PTCH1: variants seen among roughly 807,000 people sequenced by gnomAD.
The protein encoded by PTCH1 is patched 1, also known as protein patched homolog 1.
Under a neutral mutation model 144.6 loss-of-function variants are expected in PTCH1, and 14 were observed. The ratio of observed to expected loss-of-function variants is 0.10; its 90% CI spans 0.06 to 0.15. PTCH1 has a LOEUF of 0.15. PTCH1 is among the 10% of genes least tolerant of loss of function. The pLI is 1.00. For synonymous variants in PTCH1, 833 were observed against 793.6 expected, an observed-to-expected ratio of 1.05 and a Z score of -0.83; for missense variants, 1,623 against 1,948.3, an observed-to-expected ratio of 0.83 and a Z score of 3.14.
intron 7 of PTCH1, 65 bp from the exon 8 acceptor site, chr9:95,479,212 A>T: frequency 5.0e-6 from 8 of 1,606,236 alleles, no homozygotes; most frequent in Non-Finnish European, 6.8e-6. Context: ...CACTGCCTCA[A>T]ATCCCCAGCC....
At chr9:95,502,166 C>A (rs1017043732) in intron 2 of PTCH1, among the ~76,000 whole-genome samples, 5 of 152,202 alleles carry the variant, frequency 3.3e-5, no homozygotes, top group African/African-American at 1.2e-4. Context: ...GCCCTGAATG[C>A]CCCCTACCCT....
In PTCH1 at chr9:95,480,597, G is replaced by T. The variant is rs747672519; in HGVS notation, c.747-9C>A. 8.1e-6 allele frequency: 13 copies of T among 1,610,232 alleles called. No individual in the cohort carries two copies. Among genetic ancestry groups the T allele is most frequent in the Admixed American group, 1.7e-5 (1 of 59,986 alleles). On this transcript the variant is annotated splice_polypyrimidine_tract_variant and intron_variant, in intron 5 of 23. Coordinates refer to ENST00000331920, the MANE Select transcript of PTCH1 (RefSeq NM_000264.5). The stretch of plus-strand genomic sequence containing the variant: ...GCAAAGGAGGTTTACCTCTGCAAAA[G>T]AAATTAGGAGACGAGACCATGAAAA...
chr9:95,467,240 G>A lies in PTCH1; in HGVS notation c.2436C>T (p.Tyr812=), dbSNP rs756683459. The A allele has an allele frequency of 6.2e-7, 1 of 1,612,738 alleles. No individual in the cohort carries two copies. ...CGTAAAGTAAGTGCTGGATATTCGG[G>A]TAGTCTGCTTTCTGGGTGACTATAT... is the stretch of plus-strand genomic sequence containing the variant. The part of the protein sequence containing the change: ...NMYIVTQKAD[Y]PNIQHLLYDL... Residue 812 remains tyrosine (Y), a synonymous_variant, in exon 15 of 24, where the codon TAC becomes TAT. Transcript: ENST00000331920.
intron 10 of PTCH1, among the ~76,000 whole-genome samples, chr9:95,477,171 G>C (rs1841111267): frequency 6.6e-6 from 1 of 152,234 alleles, no homozygotes; most frequent in Non-Finnish European, 1.5e-5. Flanking sequence ...GCCCTGAAGT[G>C]CACATTCTCA....
intron 1 of PTCH1, 45 bp downstream of exon 1, chr9:95,508,115 GT>G (rs753274785): frequency 1.2e-6 from 2 of 1,607,162 alleles, no homozygotes; most frequent in Admixed American, 1.7e-5. Flanking sequence ...ATCCCAAAGA[GT>G]TAGAGGAGGG....
intron 15 of PTCH1, among the ~76,000 whole-genome samples, chr9:95,465,354 T>A (rs1312772625): frequency 3.9e-5 from 6 of 152,216 alleles, no homozygotes; most frequent in African/African-American, 1.4e-4. Context: ...GTTATTTATA[T>A]GTCTTTGGTC....
intron 17 of PTCH1, among the ~76,000 whole-genome samples, 154 bp downstream of exon 17, chr9:95,459,446 C>T (rs1035702832): frequency 2.0e-5 from 3 of 152,170 alleles, no homozygotes; most frequent in Admixed American, 6.5e-5. Context: ...TACACATCCT[C>T]GTCTCCCAGA....
chr9:95,490,170 G>A (rs1842279289), intron 2 of PTCH1, among the ~76,000 whole-genome samples: 1 of 150,546 alleles, frequency 6.6e-6, no homozygotes, highest in South Asian at 2.1e-4. Context: ...TACAATGAAA[G>A]AGTATAATTA....
intron 2 of PTCH1, among the ~76,000 whole-genome samples, chr9:95,492,244 C>A (rs28831479): frequency 0.32 from 48,790 of 152,130 alleles, 8,777 homozygotes; most frequent in African/African-American, 0.48. Context: ...ATGCAGGTAT[C>A]TGGTGATGCT....
At chr9:95,509,791 C>T (rs971061860), upstream of PTCH1, among the ~76,000 whole-genome samples, 4 of 152,152 alleles carry the variant, frequency 2.6e-5, no homozygotes, top group Non-Finnish European at 5.9e-5. Context: ...CCAATAATGA[C>T]AGCGTGCTGG....
rs1359616238 is a variant in PTCH1 at position 95,500,671 on chromosome 9, G to A, written c.394+5736C>T. Reference sequence around the variant, plus strand: ...TTGGTTCTGCTCCACAAGGGCTCCTGGGGGGACAAGGGGGAGTGGTTTGTG... The same window carrying A: ...TTGGTTCTGCTCCACAAGGGCTCCTAGGGGGACAAGGGGGAGTGGTTTGTG... On this transcript the variant is annotated intron_variant, in intron 2 of 23. Transcript: ENST00000331920. 3.9e-5 allele frequency among the ~76,000 whole-genome samples: 6 copies of A among 152,280 alleles called. No individual in the cohort carries two copies. In the South Asian group the frequency reaches 1.2e-3, roughly 32 times the overall value.
chr9:95,504,307 C>A (rs995574055), intron 2 of PTCH1, among the ~76,000 whole-genome samples: 17 of 152,158 alleles, frequency 1.1e-4, no homozygotes, highest in Non-Finnish European at 2.2e-4. Context: ...ACTGGCAGCT[C>A]CCATAAAACT....
chr9:95,469,763 C>T (rs2118085079), intron 13 of PTCH1, 50 bp downstream of exon 13: 6 of 1,500,160 alleles, frequency 4.0e-6, no homozygotes, highest in Non-Finnish European at 5.6e-6. Context: ...AGTTCTCTCA[C>T]AGCACCATTC....
upstream of PTCH1, among the ~76,000 whole-genome samples, chr9:95,510,121 ATAAG>A (rs1164998653): frequency 6.6e-6 from 1 of 152,206 alleles, no homozygotes. Context: ...CGAATGTGAC[ATAAG>A]TAAAAGAGAA....
At chr9:95,492,706 G>C (rs1694906313) in intron 2 of PTCH1, among the ~76,000 whole-genome samples, 2 of 151,640 alleles carry the variant, frequency 1.3e-5, no homozygotes, top group South Asian at 4.2e-4. Flanking sequence ...TACTCAACCT[G>C]TATTACGCTC....
chr9:95,495,985 T>C (rs1020788574), intron 2 of PTCH1, among the ~76,000 whole-genome samples: 1 of 152,166 alleles, frequency 6.6e-6, no homozygotes, highest in African/African-American at 2.4e-5. Flanking sequence ...TGCACAGAAC[T>C]GGGCTGTCCC....
chr9:95,510,280 G>T (rs561727873), upstream of PTCH1, among the ~76,000 whole-genome samples: 66 of 151,844 alleles, frequency 4.3e-4, no homozygotes, highest in Non-Finnish European at 7.5e-4. Context: ...TACAAAACTC[G>T]GTATGCATGT....
chr9:95,502,740 C>A (rs994321192), intron 2 of PTCH1, among the ~76,000 whole-genome samples: 6 of 152,090 alleles, frequency 3.9e-5, no homozygotes, highest in African/African-American at 1.4e-4. Context: ...TGCACACACA[C>A]GGACTCTTTC....
At chr9:95,467,924 T>C (rs1803832565) in intron 14 of PTCH1, among the ~76,000 whole-genome samples, 1 of 151,722 alleles carries the variant, frequency 6.6e-6, no homozygotes, top group Non-Finnish European at 1.5e-5. Flanking sequence ...GTTATGTATC[T>C]GAGTTGGGAT....
Sources: gnomAD v4.1 joint callset for allele counts (sites outside exome capture counted in the v4.1 genomes callset) on GRCh38, gnomAD v4.1.1 for gene constraint, MANE v1.5 for transcripts, NCBI Gene and HGNC (gene_info 2026-07-23, HGNC 2026-07-21) for gene names.